CHEK1: variants seen among roughly 807,000 people sequenced by gnomAD.
CHEK1 encodes the protein serine/threonine-protein kinase Chk1.
A neutral mutation model predicts 60.2 loss-of-function variants in CHEK1; 32 were observed. The ratio of observed to expected loss-of-function variants is 0.53; its 90% CI spans 0.40 to 0.71. CHEK1 has a LOEUF of 0.71. Ranked by LOEUF, CHEK1 falls within the 30% of genes least tolerant of loss-of-function variation. The pLI, the probability that CHEK1 is intolerant of heterozygous loss-of-function variation, is 0.00. For synonymous variants in CHEK1, 179 were observed against 187.2 expected (o/e 0.96, Z 0.36); for missense variants, 399 against 564.6 (o/e 0.71, Z 2.97).
rs748831574 is a variant in CHEK1 at position 125,655,331 on chromosome 11, G to A, written c.*11G>A. 15 of 1,572,272 alleles carry A rather than the reference G, an allele frequency of 9.5e-6. No individual in the cohort carries two copies. The highest frequency in any genetic ancestry group is 1.7e-4 in the Middle Eastern group (1 of 5,996). On this transcript the variant is annotated 3_prime_UTR_variant, in exon 13 of 13. Coordinates refer to ENST00000438015, the MANE Select transcript of CHEK1 (RefSeq NM_001114122.3). ...CTTCCTGCCACATGATCGGACCATC[G>A]GCTCTGGGGAATCCTGGTGAATATA...
Position 125,627,693 on chromosome 11 carries a change from A to G in CHEK1, c.152A>G (p.Asn51Ser), listed in dbSNP as rs1565361841. The G allele has an allele frequency of 1.9e-6, 3 of 1,613,996 alleles. No homozygotes were observed. The highest frequency in any genetic ancestry group is 2.5e-6 in the Non-Finnish European group (3 of 1,179,946). ...AAGCGTGCCGTAGACTGTCCAGAAA[A>G]TATTAAGAAAGAGATCTGTATCAAT... ...DMKRAVDCPE[N>S]IKKEICINKM... The change falls in exon 3 of 13, where the codon AAT becomes AGT. Residue 51 changes from asparagine to serine, a missense_variant. Transcript: ENST00000438015.
intron 11 of CHEK1, 75 bp downstream of exon 11, chr11:125,644,718 A>G (rs1030297224): frequency 6.7e-6 from 10 of 1,502,002 alleles, no homozygotes; most frequent in African/African-American, 5.6e-5. Context: ...TATCATTAGT[A>G]TATTTTTTAA....
chr11:125,653,837 G>A lies in CHEK1; in HGVS notation c.1325G>A (p.Arg442Gln). 1 of 1,524,912 alleles carries A rather than the reference G, an allele frequency of 6.6e-7. No homozygotes were observed. The highest frequency in any genetic ancestry group is 9.0e-7 in the Non-Finnish European group (1 of 1,111,910). 94.5% of individuals were successfully genotyped at this position (1,524,912 alleles called of 1,614,324 possible). ...EMDDKILVDFRLSKGDGLEFK... is the reference protein window; with the variant it reads ...EMDDKILVDFQLSKGDGLEFK... ...GATGATAAAATATTGGTTGACTTCC[G>A]GCTTTCTAAGGTATTTTTATGTTTT... The change falls in exon 12 of 13, where the codon CGG becomes CAG. Residue 442 changes from arginine to glutamine, a missense_variant. Around this residue, in one of 2 missense-constraint regions of CHEK1, gnomAD observed 29 missense variants for 69.8 expected, o/e 0.42. Coordinates refer to ENST00000438015, the MANE Select transcript of CHEK1 (RefSeq NM_001114122.3). This position sits in a 1 kb window ranked among gnomAD's most constrained non-coding sequence, Gnocchi z 4.3.
chr11:125,637,587 G>A (rs2847673), intron 8 of CHEK1, 43 bp downstream of exon 8: 3 of 1,435,858 alleles, frequency 2.1e-6, no homozygotes, highest in Admixed American at 3.7e-5. Context: ...TTCTGTGGAA[G>A]AAAAGGTAAT....
At chr11:125,645,874 A>G (rs1409573944) in intron 11 of CHEK1, among the ~76,000 whole-genome samples, 2 of 152,184 alleles carry the variant, frequency 1.3e-5, no homozygotes, top group African/African-American at 4.8e-5. Flanking sequence ...CAAAATTAAA[A>G]ATTGGGGGAA....
intron 8 of CHEK1, chr11:125,643,499 A>G: frequency 9.6e-6 from 2 of 207,644 alleles, no homozygotes; most frequent in Non-Finnish European, 1.9e-5. Context: ...TCTCAAAAAA[A>G]GAAAAAAAAA....
At chr11:125,662,926 T>C (rs1216172797) in intron 13 of CHEK1, among the ~76,000 whole-genome samples, 1 of 152,226 alleles carries the variant, frequency 6.6e-6, no homozygotes, top group African/African-American at 2.4e-5. Context: ...AGGTATGTAG[T>C]AATATCTCAT....
At chr11:125,637,230 A>G (rs1941104289) in intron 7 of CHEK1, among the ~76,000 whole-genome samples, 1 of 152,184 alleles carries the variant, frequency 6.6e-6, no homozygotes, top group African/African-American at 2.4e-5. Context: ...CTCAGTTGCA[A>G]ACAATTGAGA....
rs1208822841 is a variant in CHEK1 at position 125,657,123 on chromosome 11, A to C, written c.*1803A>C. The C allele has an allele frequency of 1.1e-5, 2 of 176,444 alleles. No individual in the cohort carries two copies. Among genetic ancestry groups the C allele is most frequent in the African/African-American group, 4.7e-5 (2 of 42,196 alleles). 10.9% of individuals were successfully genotyped at this position (176,444 alleles called of 1,614,324 possible). A position where few individuals can be genotyped will look rare whatever the true frequency, so the allele number is the denominator to read the frequency against. On this transcript the variant is annotated 3_prime_UTR_variant, in exon 13 of 13. Coordinates refer to ENST00000438015, the MANE Select transcript of CHEK1 (RefSeq NM_001114122.3). The stretch of plus-strand genomic sequence containing the variant: ...TATTTACTCCTATTATTAAAAATAA[A>C]AATGTGTAAAATTTACTACCTGAAG...
chr11:125,678,651 C>T (rs1016975284), downstream of CHEK1, among the ~76,000 whole-genome samples: 9 of 151,982 alleles, frequency 5.9e-5, no homozygotes, highest in African/African-American at 1.9e-4. Flanking sequence ...GTCAGGATAC[C>T]ATCCCTGATA....
Position 125,655,354 on chromosome 11 carries a change from A to G in CHEK1, c.*34A>G. On this transcript the variant is annotated 3_prime_UTR_variant, in exon 13 of 13. Transcript: ENST00000438015. ...TCGGCTCTGGGGAATCCTGGTGAAT[A>G]TAGTGCTGCTATGTTGACATTATTC... The G allele has an allele frequency of 7.1e-7, 1 of 1,416,566 alleles. No homozygotes were observed. Among genetic ancestry groups the G allele is most frequent in the Admixed American group, 1.7e-5 (1 of 58,724 alleles). The allele number at this position is 1,416,566 out of a possible 1,614,324, so 87.7% of individuals were successfully genotyped here.
intron 13 of CHEK1, among the ~76,000 whole-genome samples, chr11:125,662,267 C>T (rs1942031233): frequency 6.6e-6 from 1 of 152,148 alleles, no homozygotes; most frequent in Non-Finnish European, 1.5e-5. Context: ...CCATAGATGT[C>T]ACCTTTTTAC....
downstream of CHEK1, chr11:125,678,169 C>A: frequency 6.2e-7 from 1 of 1,614,140 alleles, no homozygotes; most frequent in East Asian, 2.2e-5. Context: ...GTGTTCAGGC[C>A]TGAAGAAGTC....
intron 11 of CHEK1, among the ~76,000 whole-genome samples, chr11:125,645,859 GT>G (rs1406127784): frequency 3.3e-5 from 5 of 152,232 alleles, no homozygotes; most frequent in Admixed American, 3.3e-4. Context: ...GTAGATTCGA[GT>G]TTTCAAAATT....
chr11:125,677,886 G>A (rs1186269088), downstream of CHEK1: 1 of 1,613,996 alleles, frequency 6.2e-7, no homozygotes, highest in Admixed American at 1.7e-5. Context: ...CTGCTCACCA[G>A]AAGGCTGTTC....
intron 11 of CHEK1, among the ~76,000 whole-genome samples, chr11:125,645,495 A>G (rs950547651): frequency 6.6e-6 from 1 of 152,230 alleles, no homozygotes; most frequent in Non-Finnish European, 1.5e-5. Flanking sequence ...AACTAAGTGC[A>G]AGTGCAATGC....
intron 3 of CHEK1, among the ~76,000 whole-genome samples, chr11:125,628,747 A>G (rs1341461961): frequency 6.6e-6 from 1 of 152,118 alleles, no homozygotes; most frequent in Admixed American, 6.6e-5. Context: ...ACGCCAGGGC[A>G]CTCCAGCCTG....
At chr11:125,676,270 T>A, downstream of CHEK1, 1 of 1,488,692 alleles carries the variant, frequency 6.7e-7, no homozygotes, top group Non-Finnish European at 9.2e-7. Flanking sequence ...CTTGATTCTT[T>A]CCTGGGCCCC....
downstream of CHEK1, among the ~76,000 whole-genome samples, chr11:125,657,927 G>C (rs946420859): frequency 1.3e-5 from 2 of 152,178 alleles, no homozygotes; most frequent in African/African-American, 4.8e-5. Context: ...TTCCATAGGA[G>C]AAAAGTGTAC....
Sources: gnomAD v4.1 joint callset for allele counts (sites outside exome capture counted in the v4.1 genomes callset) on GRCh38, gnomAD v4.1.1 for gene constraint, gnomAD v4.1.1 regional missense constraint, Gnocchi (gnomAD v3.1) non-coding constraint, MANE v1.5 for transcripts, NCBI Gene and HGNC (gene_info 2026-07-23, HGNC 2026-07-21) for gene names.